Variants in STK32B observed in about 807,000 individuals in gnomAD.
STK32B encodes the protein serine/threonine kinase 32B.
STK32B carries 43 observed loss-of-function variants against 52.6 expected under a neutral mutation model. That is an observed-to-expected ratio of 0.82 (90% CI 0.64 to 1.05). The LOEUF (loss-of-function observed/expected upper bound fraction) is 1.05. Ranked by LOEUF, STK32B falls within the 50% of genes least tolerant of loss-of-function variation. The probability of loss-of-function intolerance (pLI) is 0.00; values close to 1 mark genes in which losing one functional copy is unlikely to be tolerated. For missense variants in STK32B, 621 were observed against 534.6 expected, an observed-to-expected ratio of 1.16 and a Z score of -1.59; for synonymous variants, 238 against 204.3, an observed-to-expected ratio of 1.17 and a Z score of -1.41.
intron 4 of STK32B, among the ~76,000 whole-genome samples, chr4:5,337,425 G>A (rs1199204350): frequency 1.3e-5 from 2 of 152,120 alleles, no homozygotes; most frequent in Admixed American, 6.6e-5. Flanking sequence ...AGGAAAATGA[G>A]ATGGACTCCA....
intron 3 of STK32B, among the ~76,000 whole-genome samples, chr4:5,287,581 C>T (rs1577296483): frequency 6.6e-6 from 1 of 152,202 alleles, no homozygotes; most frequent in East Asian, 1.9e-4. Context: ...TCCCTGAAAC[C>T]AAGCCAACTA....
chr4:5,032,818 G>A, the STK32B span, among the ~76,000 whole-genome samples: 3 of 152,200 alleles, frequency 2.0e-5, no homozygotes, highest in East Asian at 1.9e-4. Flanking sequence ...CCAGACCCTG[G>A]CAAGCACCCT....
Position 5,470,603 on chromosome 4 carries a change from C to G in STK32B, c.1106+2533C>G, listed in dbSNP as rs1468961023. Among the ~76,000 whole-genome samples the G allele has an allele frequency of 6.6e-6, 1 of 152,064 alleles. No homozygotes were observed. Among genetic ancestry groups the G allele is most frequent in the Admixed American group, 6.6e-5 (1 of 15,252 alleles). The stretch of plus-strand genomic sequence containing the variant: ...CCAGGAGAGGGTTTTGCTGTGTCCC[C>G]CAAGATGCATCAGCCGACCCCATCC... On this transcript the variant is annotated intron_variant, in intron 11 of 11. Transcript: ENST00000282908. The surrounding 1 kb of genome is among the most constrained non-coding windows in gnomAD (Gnocchi z 4.6).
chr4:5,063,184 G>C (rs182930815), intron 1 of STK32B, among the ~76,000 whole-genome samples: 1 of 152,096 alleles, frequency 6.6e-6, no homozygotes, highest in African/African-American at 2.4e-5. Flanking sequence ...GTTTACCAAC[G>C]TGATCATATT....
At chr4:5,442,617 A>G (rs1159442876) in intron 6 of STK32B, among the ~76,000 whole-genome samples, 1 of 151,506 alleles carries the variant, frequency 6.6e-6, no homozygotes, top group Non-Finnish European at 1.5e-5. Flanking sequence ...TAAAGTTAAT[A>G]TTGTTATGTG....
chr4:5,390,070 C>G (rs897873699), intron 4 of STK32B, among the ~76,000 whole-genome samples: 1 of 152,184 alleles, frequency 6.6e-6, no homozygotes, highest in Non-Finnish European at 1.5e-5. Flanking sequence ...TACTCTTTGC[C>G]CCTGAGGTTC....
At chr4:5,042,974 C>CG in the STK32B span, among the ~76,000 whole-genome samples, 1 of 151,776 alleles carries the variant, frequency 6.6e-6, no homozygotes, top group African/African-American at 2.4e-5. Flanking sequence ...GGCGCGGTGG[C>CG]GGGCGCCTGT....
At chr4:5,312,187 G>C (rs1336950034) in intron 3 of STK32B, among the ~76,000 whole-genome samples, 2 of 149,926 alleles carry the variant, frequency 1.3e-5, no homozygotes, top group African/African-American at 4.9e-5. Flanking sequence ...AGAAATCTTT[G>C]CCATCCTAAG....
intron 3 of STK32B, among the ~76,000 whole-genome samples, chr4:5,247,689 C>T (rs1420756241): frequency 6.6e-6 from 1 of 152,166 alleles, no homozygotes; most frequent in African/African-American, 2.4e-5. Flanking sequence ...TAGACTGGAG[C>T]TGTTCCTATT....
At chr4:5,446,903 G>T in intron 7 of STK32B, 127 bp downstream of exon 7, 1 of 835,604 alleles carries the variant, frequency 1.2e-6, no homozygotes, top group Non-Finnish European at 1.9e-6. Flanking sequence ...CTGCCCCCCA[G>T]GTTTCAGTCC....
chr4:5,454,452 G>A (rs1271947055), intron 7 of STK32B, among the ~76,000 whole-genome samples: 1 of 151,962 alleles, frequency 6.6e-6, no homozygotes, highest in Non-Finnish European at 1.5e-5. Flanking sequence ...GTCTTTCTGT[G>A]CCATAAAGTC....
intron 6 of STK32B, among the ~76,000 whole-genome samples, chr4:5,440,008 C>A (rs1240952252): frequency 6.6e-6 from 1 of 152,134 alleles, no homozygotes; most frequent in Non-Finnish European, 1.5e-5. Context: ...TTACTGTAGT[C>A]TTGTAGTATA....
At chr4:5,456,684 A>T in intron 7 of STK32B, 123 bp from the exon 8 acceptor site, 1 of 906,220 alleles carries the variant, frequency 1.1e-6, no homozygotes, top group Non-Finnish European at 1.6e-6. Context: ...CGTGAAAGAG[A>T]AGCACCCACT....
intron 7 of STK32B, among the ~76,000 whole-genome samples, chr4:5,448,491 A>G (rs2109126096): frequency 6.6e-6 from 1 of 152,370 alleles, no homozygotes; most frequent in East Asian, 1.9e-4. Flanking sequence ...CATTTGCCCT[A>G]AACGTGACTG....
At chr4:5,373,763 C>T (rs1276827193) in intron 4 of STK32B, among the ~76,000 whole-genome samples, 2 of 152,192 alleles carry the variant, frequency 1.3e-5, no homozygotes, top group African/African-American at 4.8e-5. Context: ...TCTTCTCTGC[C>T]ATTCTCACTC....
At chr4:5,204,756 C>T (rs114005420) in intron 3 of STK32B, among the ~76,000 whole-genome samples, 1,828 of 152,262 alleles carry the variant, frequency 0.012, 22 homozygotes, top group Non-Finnish European at 0.02. Flanking sequence ...GTGTGAGCCA[C>T]TGCTCCCGGC....
At chr4:5,150,975 T>G (rs1717317586) in intron 2 of STK32B, among the ~76,000 whole-genome samples, 1 of 152,298 alleles carries the variant, frequency 6.6e-6, no homozygotes, top group South Asian at 2.1e-4. Context: ...CATTGAGAGT[T>G]TTGTTCCTGA....
rs372485260 is a variant in STK32B, at chr4:5,398,311, G to C, written c.472+67G>C. ...AGTTTGAGGCACTGGGAAATAGTGC[G>C]GGGGTGGGGGTTGGGTCTTGCTGAG... On this transcript the variant is annotated intron_variant, in intron 5 of 11. Coordinates refer to ENST00000282908, the MANE Select transcript of STK32B (RefSeq NM_018401.3). This position sits in a 1 kb window ranked among gnomAD's most constrained non-coding sequence, Gnocchi z 4.9. 1.3e-6 allele frequency: 2 copies of C among 1,554,964 alleles called. No homozygotes were observed. Among genetic ancestry groups the C allele is most frequent in the African/African-American group, 1.4e-5 (1 of 73,490 alleles).
intron 9 of STK32B, among the ~76,000 whole-genome samples, chr4:5,464,696 G>A (rs1022465159): frequency 1.3e-5 from 2 of 152,170 alleles, no homozygotes; most frequent in Non-Finnish European, 1.5e-5. Flanking sequence ...CCAGTCCTGG[G>A]CAGTGGATCC....
Sources: gnomAD v4.1 joint callset for allele counts (sites outside exome capture counted in the v4.1 genomes callset) on GRCh38, gnomAD v4.1.1 for gene constraint, Gnocchi (gnomAD v3.1) non-coding constraint, MANE v1.5 for transcripts, NCBI Gene and HGNC (gene_info 2026-07-23, HGNC 2026-07-21) for gene names.